The following CASD1 variants were observed in gnomAD, a reference collection of about 807,000 sequenced individuals.
CASD1 encodes the protein N-acetylneuraminate (7)9-O-acetyltransferase.
CASD1 carries 41 observed loss-of-function variants against 100.0 expected under a neutral mutation model. The observed-to-expected ratio is 0.41, with a 90% CI of 0.32 to 0.53. The LOEUF (loss-of-function observed/expected upper bound fraction) is 0.53. Ranked by LOEUF, CASD1 falls within the 20% of genes least tolerant of loss-of-function variation. The pLI, the probability that CASD1 is intolerant of heterozygous loss-of-function variation, is 0.25. For synonymous variants in CASD1, 321 were observed against 315.6 expected, an observed-to-expected ratio of 1.02 and a Z score of -0.18; for missense variants, 774 against 948.7, an observed-to-expected ratio of 0.82 and a Z score of 2.42.
At chr7:94,563,090 C>T in the CASD1 span, among the ~76,000 whole-genome samples, 1 of 152,100 alleles carries the variant, frequency 6.6e-6, no homozygotes, top group African/African-American at 2.4e-5. Flanking sequence ...GCAGTATCAC[C>T]TTTAGGGGGG....
At chr7:94,550,144 G>A (rs1189479419) in intron 14 of CASD1, among the ~76,000 whole-genome samples, 1 of 152,118 alleles carries the variant, frequency 6.6e-6, no homozygotes, top group Non-Finnish European at 1.5e-5. Flanking sequence ...TCTTGTATTA[G>A]TCTATGAACT....
the CASD1 span, chr7:94,620,963 A>G: frequency 6.6e-6 from 1 of 152,252 alleles, no homozygotes; most frequent in African/African-American, 2.4e-5. Flanking sequence ...ACAGTAGGCC[A>G]ACAGATTGGT....
chr7:94,601,443 CAAAAAAAAAAAAAAAAAAAAA>C, the CASD1 span, among the ~76,000 whole-genome samples: 2 of 89,332 alleles, frequency 2.2e-5, no homozygotes, highest in Admixed American at 1.1e-4. Flanking sequence ...ATCCCAGTAT[CAAAAAAAAAAAAAAAAAAAAA>C]AAAAAAAAAA....
the CASD1 span, among the ~76,000 whole-genome samples, chr7:94,580,986 A>G: frequency 6.6e-6 from 1 of 152,168 alleles, no homozygotes. Flanking sequence ...GTATTACAGG[A>G]TCAGGAGCCT....
intron 16 of CASD1, chr7:94,553,747 T>C (rs910971731): frequency 1.1e-4 from 16 of 151,896 alleles, no homozygotes; most frequent in Middle Eastern, 3.4e-3. Flanking sequence ...TGTATACATA[T>C]GTAACAAACC....
chr7:94,621,323 A>T, the CASD1 span: 1 of 152,340 alleles, frequency 6.6e-6, no homozygotes, highest in South Asian at 2.1e-4. Flanking sequence ...CAGAGGAACA[A>T]GCACTGCCTG....
the CASD1 span, among the ~76,000 whole-genome samples, chr7:94,608,271 G>A: frequency 6.6e-6 from 1 of 152,224 alleles, no homozygotes; most frequent in African/African-American, 2.4e-5. Context: ...AGGAGGCAGA[G>A]GTTGCAGTGA....
chr7:94,571,857 T>G, the CASD1 span, among the ~76,000 whole-genome samples: 3 of 130,988 alleles, frequency 2.3e-5, no homozygotes, highest in Non-Finnish European at 4.6e-5. Context: ...TGTACAACCT[T>G]TTACTAAAAC....
In CASD1 at chr7:94,556,830, A is replaced by G. The variant is rs1321948551; in HGVS notation, c.*1072A>G. 1 of 151,978 alleles carries G rather than the reference A, an allele frequency of 6.6e-6. No individual in the cohort carries two copies. Among genetic ancestry groups the G allele is most frequent in the Non-Finnish European group, 1.5e-5 (1 of 67,918 alleles). The allele number at this position is 151,978 out of a possible 1,614,324, so 9.4% of individuals were successfully genotyped here. A position where few individuals can be genotyped will look rare whatever the true frequency, so the allele number is the denominator to read the frequency against. Reference sequence around the variant, plus strand: ...GTATACATTTATTTATCTGTTGTACAGATTTGATTATGATTTTAATGTTTG... The same window carrying G: ...GTATACATTTATTTATCTGTTGTACGGATTTGATTATGATTTTAATGTTTG... On this transcript the variant is annotated 3_prime_UTR_variant, in exon 18 of 18. Coordinates refer to ENST00000297273, the MANE Select transcript of CASD1 (RefSeq NM_022900.5).
rs970295273 is a variant in CASD1 at position 94,534,089 on chromosome 7, AT to A, written c.628+296del. Reference sequence around the variant, plus strand: ...ACGCAAATGACATGTGGTATCCCTGATTTTTTTTTCTTACAAAACATATTTA... The same window carrying A: ...ACGCAAATGACATGTGGTATCCCTGATTTTTTTTCTTACAAAACATATTTA... On this transcript the variant is annotated intron_variant, in intron 7 of 17. Transcript: ENST00000297273. 6.6e-5 allele frequency among the ~76,000 whole-genome samples: 10 copies of A among 150,644 alleles called. 1 individual carries two copies. Among genetic ancestry groups the A allele is most frequent in the Admixed American group, 3.3e-4 (5 of 15,052 alleles).
At chr7:94,531,533 A>G (rs1322426273) in intron 5 of CASD1, among the ~76,000 whole-genome samples, 1 of 152,148 alleles carries the variant, frequency 6.6e-6, no homozygotes, top group Non-Finnish European at 1.5e-5. Flanking sequence ...AGTTTTGGGA[A>G]TGAGAAAGCC....
chr7:94,516,861 T>C (rs531568418), intron 1 of CASD1, among the ~76,000 whole-genome samples: 1 of 152,132 alleles, frequency 6.6e-6, no homozygotes, highest in South Asian at 2.1e-4. Flanking sequence ...AGTAGTTGAA[T>C]AGGAAGTCAT....
At chr7:94,586,061 G>GAAAAAAAAAAAAAAAAAAAAAAAAAAA in the CASD1 span, among the ~76,000 whole-genome samples, 2 of 28,908 alleles carry the variant, frequency 6.9e-5, no homozygotes, top group Non-Finnish European at 1.2e-4. Flanking sequence ...GGAACTAAAT[G>GAAAAAAAAAAAAAAAAAAAAAAAAAAA]AAAAAAAAAA....
the CASD1 span, chr7:94,586,880 C>G: frequency 7.1e-6 from 7 of 984,998 alleles, no homozygotes; most frequent in African/African-American, 1.7e-5. Context: ...AGGGTGGTCT[C>G]TCTCCCTTTG....
chr7:94,517,391 G>T (rs1462200897), intron 1 of CASD1, among the ~76,000 whole-genome samples, 169 bp from the exon 2 acceptor site: 1 of 152,140 alleles, frequency 6.6e-6, no homozygotes, highest in Non-Finnish European at 1.5e-5. Context: ...GAATATTAAT[G>T]TATTAATATT....
intron 1 of CASD1, among the ~76,000 whole-genome samples, chr7:94,515,446 A>G (rs1448380728): frequency 1.3e-5 from 2 of 150,256 alleles, no homozygotes; most frequent in Non-Finnish European, 3.0e-5. Flanking sequence ...GGTTCATCAG[A>G]TTAGAGCTAT....
the CASD1 span, among the ~76,000 whole-genome samples, chr7:94,595,093 T>C: frequency 6.6e-6 from 1 of 152,284 alleles, no homozygotes; most frequent in East Asian, 1.9e-4. Flanking sequence ...AATTTAACTT[T>C]GTCTCTTATC....
intron 1 of CASD1, among the ~76,000 whole-genome samples, chr7:94,511,106 GT>G (rs1437703818): frequency 6.6e-6 from 1 of 151,990 alleles, no homozygotes; most frequent in Non-Finnish European, 1.5e-5. Flanking sequence ...TTTTTCCTTT[GT>G]AAAAATGTCA....
the CASD1 span, chr7:94,618,632 C>A: frequency 3.9e-6 from 3 of 761,974 alleles, no homozygotes; most frequent in Non-Finnish European, 6.4e-6. Flanking sequence ...ATGTTCATAT[C>A]TTTACAATAT....
Sources: allele counts gnomAD v4.1 joint callset (sites outside exome capture counted in the v4.1 genomes callset), GRCh38; gene constraint gnomAD v4.1.1; transcripts MANE v1.5; gene names NCBI Gene and HGNC (gene_info 2026-07-23, HGNC 2026-07-21).